The following CIT variants were observed in gnomAD, a reference collection of about 807,000 sequenced individuals.
The protein encoded by CIT is citron rho-interacting serine/threonine kinase, also known as citron Rho-interacting kinase.
CIT carries 79 observed loss-of-function variants against 272.7 expected under a neutral mutation model. The ratio of observed to expected loss-of-function variants is 0.29; its 90% CI spans 0.24 to 0.35. The LOEUF is 0.35. Among genes scored for constraint, CIT ranks in the 10% least tolerant of loss-of-function variants. The pLI, the probability that CIT is intolerant of heterozygous loss-of-function variation, is 1.00. For missense variants in CIT, 1,909 were observed against 2,618.3 expected, an observed-to-expected ratio of 0.73 and a Z score of 5.91; for synonymous variants, 948 against 995.6, an observed-to-expected ratio of 0.95 and a Z score of 0.90.
At chr12:119,865,205 A>G (rs1950480746) in intron 3 of CIT, among the ~76,000 whole-genome samples, 1 of 152,168 alleles carries the variant, frequency 6.6e-6, no homozygotes. Context: ...ATTCCACTAA[A>G]CCAAGTCTTC....
At chr12:119,755,939 C>T (rs1312460905) in intron 22 of CIT, among the ~76,000 whole-genome samples, 1 of 152,202 alleles carries the variant, frequency 6.6e-6, no homozygotes, top group Non-Finnish European at 1.5e-5. Context: ...ACTGGGCCAC[C>T]ATGGCTAAGC....
chr12:119,689,021 G>T (rs1246860566), intron 47 of CIT, among the ~76,000 whole-genome samples: 1 of 121,014 alleles, frequency 8.3e-6, no homozygotes, highest in East Asian at 2.9e-4. Flanking sequence ...GGCCGGGGGT[G>T]GGGGTGGGAA....
chr12:119,835,868 G>A (rs538324529), intron 5 of CIT, among the ~76,000 whole-genome samples: 80 of 152,170 alleles, frequency 5.3e-4, no homozygotes, highest in African/African-American at 1.9e-3. Context: ...ATCCTCCCTG[G>A]GGGCTCCTTA....
intron 10 of CIT, among the ~76,000 whole-genome samples, chr12:119,797,707 C>T (rs1472603673): frequency 6.6e-6 from 1 of 152,194 alleles, no homozygotes; most frequent in Non-Finnish European, 1.5e-5. Flanking sequence ...GAGCCTTTGG[C>T]TGGATGTAGA....
At chr12:119,708,043 T>C in intron 40 of CIT, 136 bp downstream of exon 40, 1 of 969,918 alleles carries the variant, frequency 1.0e-6, no homozygotes, top group African/African-American at 1.9e-5. Context: ...CAATCTCTTT[T>C]CTTTCAAGAG....
intron 7 of CIT, among the ~76,000 whole-genome samples, chr12:119,831,641 G>A (rs1046207112): frequency 6.6e-6 from 1 of 152,214 alleles, no homozygotes; most frequent in Non-Finnish European, 1.5e-5. Context: ...AGGCCGAAGC[G>A]AGTGGATCAC....
chr12:119,845,519 G>A (rs147896012), intron 5 of CIT, among the ~76,000 whole-genome samples: 50 of 151,728 alleles, frequency 3.3e-4, no homozygotes, highest in Non-Finnish European at 5.9e-4. Flanking sequence ...CGGACATGGT[G>A]GTGGGCACCT....
At chr12:119,750,002 C>T (rs572180033) in intron 23 of CIT, among the ~76,000 whole-genome samples, 6 of 152,306 alleles carry the variant, frequency 3.9e-5, no homozygotes, top group Admixed American at 2.6e-4. Flanking sequence ...TCCTTCTCGG[C>T]TGCTCTGAAA....
chr12:119,804,446 C>G lies in CIT; in HGVS notation c.1112-1057G>C, dbSNP rs1004028383. 1.0e-6 allele frequency: 1 copy of G among 985,822 alleles called. No individual in the cohort carries two copies. The highest frequency in any genetic ancestry group is 1.2e-6 in the Non-Finnish European group (1 of 830,342). 61.1% of individuals were successfully genotyped at this position (985,822 alleles called of 1,614,324 possible). On this transcript the variant is annotated intron_variant, in intron 9 of 47. Coordinates refer to ENST00000392521, the MANE Select transcript of CIT (RefSeq NM_001206999.2). This position sits in a 1 kb window ranked among gnomAD's most constrained non-coding sequence, Gnocchi z 5.3. Reference sequence around the variant, plus strand: ...GTGCGTGCGTGCTCTGGCTGGAACCCCACCTGGCTGCCGCCTGCCTGCCAG... The same window carrying G: ...GTGCGTGCGTGCTCTGGCTGGAACCGCACCTGGCTGCCGCCTGCCTGCCAG...
intron 2 of CIT, among the ~76,000 whole-genome samples, chr12:119,870,548 T>TTAA (rs1950640224): frequency 5.3e-5 from 1 of 18,864 alleles, no homozygotes; most frequent in Non-Finnish European, 1.2e-4. Flanking sequence ...AGACTCCCTC[T>TTAA]CAAAAAAAAA....
chr12:119,820,246 G>A (rs1402773134), intron 9 of CIT, among the ~76,000 whole-genome samples: 1 of 152,180 alleles, frequency 6.6e-6, no homozygotes, highest in Non-Finnish European at 1.5e-5. Context: ...CAGTGACACT[G>A]TTATGTAAGA....
intron 7 of CIT, among the ~76,000 whole-genome samples, chr12:119,825,708 T>A (rs1968108986): frequency 6.6e-6 from 1 of 152,226 alleles, no homozygotes; most frequent in Non-Finnish European, 1.5e-5. Flanking sequence ...ACTTCTCTTA[T>A]GATAACAGCA....
intron 24 of CIT, among the ~76,000 whole-genome samples, chr12:119,740,538 TAAAA>T (rs1959008867): frequency 1.4e-5 from 2 of 140,956 alleles, no homozygotes; most frequent in South Asian, 2.2e-4. Flanking sequence ...AATAAAACTG[TAAAA>T]AAAAGTTTTT....
intron 30 of CIT, among the ~76,000 whole-genome samples, chr12:119,719,238 A>G (rs960154710): frequency 3.3e-5 from 5 of 152,122 alleles, no homozygotes; most frequent in Non-Finnish European, 7.4e-5. Context: ...GCCTTGGAAT[A>G]TGTCTCATGA....
rs1430307170 is a variant in CIT, at chr12:119,770,170, G to C, written c.2208+615C>G. ...TGCAAATACCACCCGAACCTTCCTT[G>C]ATCAAGTTAATTTGGTGATCAGAGC... is the stretch of plus-strand genomic sequence containing the variant. On this transcript the variant is annotated intron_variant, in intron 18 of 47. Transcript: ENST00000392521. This position sits in a 1 kb window ranked among gnomAD's most constrained non-coding sequence, Gnocchi z 4.4. 6.6e-6 allele frequency among the ~76,000 whole-genome samples: 1 copy of C among 152,048 alleles called. No homozygotes were observed. Among genetic ancestry groups the C allele is most frequent in the Non-Finnish European group, 1.5e-5 (1 of 68,020 alleles).
intron 14 of CIT, 43 bp downstream of exon 14, chr12:119,776,629 C>T: frequency 7.0e-6 from 11 of 1,569,600 alleles, no homozygotes; most frequent in Non-Finnish European, 9.5e-6. Context: ...AGATCATGTA[C>T]AATTTTACCC....
In CIT at chr12:119,866,527, T is replaced by A. The variant is rs1275669195; in HGVS notation, c.238+2533A>T. Among the ~76,000 whole-genome samples, 13 of 152,166 alleles carry A rather than the reference T, an allele frequency of 8.5e-5. No individual in the cohort carries two copies. The East Asian group carries it at 2.5e-3, about 29-fold the overall frequency. On this transcript the variant is annotated intron_variant, in intron 3 of 47. Coordinates refer to ENST00000392521, the MANE Select transcript of CIT (RefSeq NM_001206999.2). ...TTGGTCTCTATCACAACTACTCAAATGCTGTTGTGGGCTGGGCACAGTGGC... is the reference window on the plus strand; with the variant it reads ...TTGGTCTCTATCACAACTACTCAAAAGCTGTTGTGGGCTGGGCACAGTGGC...
intron 40 of CIT, among the ~76,000 whole-genome samples, chr12:119,707,192 GC>G (rs1290564533): frequency 1.3e-5 from 2 of 151,884 alleles, no homozygotes; most frequent in African/African-American, 4.8e-5. Flanking sequence ...ACATACACAC[GC>G]ACATGCAAAC....
chr12:119,801,668 C>T (rs1352473198), intron 10 of CIT, among the ~76,000 whole-genome samples: 1 of 152,178 alleles, frequency 6.6e-6, no homozygotes. Context: ...ACTAACCATG[C>T]ATCCTTCAAC....
Sources: gnomAD v4.1 joint callset for allele counts (sites outside exome capture counted in the v4.1 genomes callset) on GRCh38, gnomAD v4.1.1 for gene constraint, Gnocchi (gnomAD v3.1) non-coding constraint, MANE v1.5 for transcripts, NCBI Gene and HGNC (gene_info 2026-07-23, HGNC 2026-07-21) for gene names.